The following MTX3 variants were observed in gnomAD, a reference collection of about 807,000 sequenced individuals.
MTX3 encodes the protein metaxin 3, also known as metaxin-3.
A neutral mutation model predicts 42.5 loss-of-function variants in MTX3; 27 were observed. The observed-to-expected ratio is 0.64, with a 90% CI of 0.47 to 0.88. The LOEUF is 0.88. MTX3 is among the 40% of genes least tolerant of loss of function. The pLI is 0.00. For missense variants in MTX3, 378 were observed against 367.0 expected (o/e 1.03, Z -0.25); for synonymous variants, 144 against 132.9 (o/e 1.08, Z -0.57).
At chr5:79,990,564 G>A (rs943183910) in intron 2 of MTX3, 30 bp downstream of exon 2, 1 of 1,398,130 alleles carries the variant, frequency 7.2e-7, no homozygotes, top group South Asian at 1.3e-5. Context: ...AAAGAGTGCA[G>A]AAAGGGGAGT....
intron 8 of MTX3, among the ~76,000 whole-genome samples, chr5:79,985,008 G>A (rs1051553506): frequency 6.6e-6 from 1 of 152,024 alleles, no homozygotes; most frequent in East Asian, 1.9e-4. Flanking sequence ...TTCTGATGGA[G>A]TCTCGCTCCG....
At chr5:79,987,210 G>C (rs1036885407) in intron 6 of MTX3, 103 bp from the exon 7 acceptor site, 7 of 982,576 alleles carry the variant, frequency 7.1e-6, no homozygotes, top group African/African-American at 3.2e-5. Context: ...GAGATCAAGC[G>C]GGGGCAGATC....
Position 79,983,652 on chromosome 5 carries a change from C to A in MTX3, c.*32G>T, listed in dbSNP as rs879830108. The A allele has an allele frequency of 2.0e-6, 3 of 1,464,950 alleles. No individual in the cohort carries two copies. Among genetic ancestry groups the A allele is most frequent in the Non-Finnish European group, 2.9e-6 (3 of 1,044,070 alleles). The allele number at this position is 1,464,950 out of a possible 1,614,324, so 90.7% of individuals were successfully genotyped here. Reference sequence around the variant, plus strand: ...TGGTGTAAGAGATTACTGCAACAATCGTTTGACTTTGGCCACAAACCATGA... The same window carrying A: ...TGGTGTAAGAGATTACTGCAACAATAGTTTGACTTTGGCCACAAACCATGA... On this transcript the variant is annotated 3_prime_UTR_variant, in exon 9 of 9. Transcript: ENST00000512528.
In MTX3 at chr5:79,983,728, G is replaced by A; in HGVS notation, c.895C>T (p.Pro299Ser). 1 of 1,613,926 alleles carries A rather than the reference G, an allele frequency of 6.2e-7. No homozygotes were observed. Among genetic ancestry groups the A allele is most frequent in the Middle Eastern group, 1.7e-4 (1 of 6,060 alleles). ...PRKLPTLKLT[P>S]AEEENNSFQR... ...AAGGAATTATTTTCTTCTTCTGCTG[G>A]AGTCAATTTAAGTGTTGGCAGTTTC... Residue 299 changes from proline to serine, a missense_variant, in exon 9 of 9, where the codon CCA becomes TCA. Physicochemically the swap from Pro to Ser is moderately conservative, Grantham distance 74. Coordinates refer to ENST00000512528, the MANE Select transcript of MTX3 (RefSeq NM_001363818.2).
chr5:79,990,254 T>C lies in MTX3; in HGVS notation c.152-18A>G. 1 of 1,559,806 alleles carries C rather than the reference T, an allele frequency of 6.4e-7. No individual in the cohort carries two copies. On this transcript the variant is annotated intron_variant, in intron 2 of 8. Transcript: ENST00000512528. ...TACATCGCCTATAATCAAAAAACAG[T>C]TTACATACAAGGACACAGTGTGATT...
In MTX3 at chr5:79,976,750, G is replaced by A. The variant is rs1308181031; in HGVS notation, c.*6934C>T. 1.3e-5 allele frequency: 2 copies of A among 152,540 alleles called. No homozygotes were observed. Among genetic ancestry groups the A allele is most frequent in the Non-Finnish European group, 2.9e-5 (2 of 68,028 alleles). 9.4% of individuals were successfully genotyped at this position (152,540 alleles called of 1,614,324 possible). On this transcript the variant is annotated 3_prime_UTR_variant, in exon 9 of 9. Transcript: ENST00000512528. The stretch of plus-strand genomic sequence containing the variant: ...AGTCAGGAGATTTGAGATTTTTATT[G>A]AGAAAATAGCTATTTTGACATTATA...
In MTX3 at chr5:79,990,662, G is replaced by A. The variant is rs1170544517; in HGVS notation, c.83C>T (p.Ala28Val). The change falls in exon 2 of 9, where the codon GCT becomes GTT. Residue 28 changes from alanine to valine, a missense_variant and splice_region_variant. Physicochemically the swap from Ala to Val is moderately conservative, Grantham distance 64. Transcript: ENST00000512528. The stretch of plus-strand genomic sequence containing the variant: ...GGGTGCACCAGAAAATTTGGCATAA[G>A]CCTGAAACAGAGTTTGCAATCAAAC... ...SVHSESLVVM[A>V]YAKFSGAPLK... is the part of the protein sequence containing the mutation. 10 of 1,612,140 alleles carry A rather than the reference G, an allele frequency of 6.2e-6. No individual in the cohort carries two copies. The highest frequency in any genetic ancestry group is 2.7e-5 in the African/African-American group (2 of 74,912).
chr5:79,985,727 G>C (rs916911475), intron 7 of MTX3, 68 bp from the exon 8 acceptor site: 2 of 1,186,690 alleles, frequency 1.7e-6, no homozygotes, highest in Non-Finnish European at 2.4e-6. Flanking sequence ...TATTTAGATT[G>C]AAAGAATTTT....
In MTX3 at chr5:79,983,434, T is replaced by C. The variant is rs2151140274; in HGVS notation, c.*250A>G. The C allele has an allele frequency of 3.8e-6, 2 of 520,952 alleles. No individual in the cohort carries two copies. The highest frequency in any genetic ancestry group is 2.1e-5 in the South Asian group (1 of 47,844). 32.3% of individuals were successfully genotyped at this position (520,952 alleles called of 1,614,324 possible). A position where few individuals can be genotyped will look rare whatever the true frequency, so the allele number is the denominator to read the frequency against. On this transcript the variant is annotated 3_prime_UTR_variant, in exon 9 of 9. Transcript: ENST00000512528. ...GATTAAGGCAGTTCTTTGTATACAG[T>C]ACGATGTGTTTTTCTTCCCCGCCCC...
chr5:79,983,538 T>C lies in MTX3; in HGVS notation c.*146A>G, dbSNP rs971832107. The C allele has an allele frequency of 4.7e-6, 3 of 642,022 alleles. No individual in the cohort carries two copies. Among genetic ancestry groups the C allele is most frequent in the Non-Finnish European group, 8.4e-6 (3 of 356,652 alleles). The allele number at this position is 642,022 out of a possible 1,614,324, so 39.8% of individuals were successfully genotyped here. On this transcript the variant is annotated 3_prime_UTR_variant, in exon 9 of 9. Coordinates refer to ENST00000512528, the MANE Select transcript of MTX3 (RefSeq NM_001363818.2). The stretch of plus-strand genomic sequence containing the variant: ...TAGAATACAAGCTTCCTAATAATAA[T>C]AGTAAAAATAGATGGCATAGAAAGT...
chr5:79,982,902 T>C lies in MTX3; in HGVS notation c.*782A>G, dbSNP rs1831405002. The C allele has an allele frequency of 6.5e-6, 1 of 154,390 alleles. No individual in the cohort carries two copies. The highest frequency in any genetic ancestry group is 2.0e-4 in the South Asian group (1 of 4,988). The allele number at this position is 154,390 out of a possible 1,614,324, so 9.6% of individuals were successfully genotyped here. A position where few individuals can be genotyped will look rare whatever the true frequency, so the allele number is the denominator to read the frequency against. Reference sequence around the variant, plus strand: ...AACGATAACCAGTACATTCACTTCTTCTGGAATTAATACAAGAAAGACAAC... The same window carrying C: ...AACGATAACCAGTACATTCACTTCTCCTGGAATTAATACAAGAAAGACAAC... On this transcript the variant is annotated 3_prime_UTR_variant, in exon 9 of 9. Coordinates refer to ENST00000512528, the MANE Select transcript of MTX3 (RefSeq NM_001363818.2).
At chr5:79,990,013 A>G (rs947025219) in intron 3 of MTX3, 147 bp downstream of exon 3, 9 of 486,942 alleles carry the variant, frequency 1.8e-5, no homozygotes, top group Admixed American at 1.2e-4. Flanking sequence ...GCTTTAGAGC[A>G]GTGATTCTCA....
intron 8 of MTX3, among the ~76,000 whole-genome samples, chr5:79,984,600 G>A (rs749766170): frequency 4.0e-5 from 6 of 150,698 alleles, no homozygotes; most frequent in Non-Finnish European, 8.8e-5. Flanking sequence ...TTGTAAAATA[G>A]TAAGTATTAC....
Position 79,983,583 on chromosome 5 carries a change from T to C in MTX3, c.*101A>G. The C allele has an allele frequency of 1.2e-6, 1 of 833,406 alleles. No individual in the cohort carries two copies. Among genetic ancestry groups the C allele is most frequent in the Non-Finnish European group, 2.1e-6 (1 of 483,576 alleles). 51.6% of individuals were successfully genotyped at this position (833,406 alleles called of 1,614,324 possible). A position where few individuals can be genotyped will look rare whatever the true frequency, so the allele number is the denominator to read the frequency against. On this transcript the variant is annotated 3_prime_UTR_variant, in exon 9 of 9. Transcript: ENST00000512528. ...GAAAGTTCCTTTTGGTTTAGAGTCTTCCTTAATACCTATTATGGTATCTTC... is the reference window on the plus strand; with the variant it reads ...GAAAGTTCCTTTTGGTTTAGAGTCTCCCTTAATACCTATTATGGTATCTTC...
rs567332528 is a variant in MTX3, at chr5:79,982,216, G to A, written c.*1468C>T. 1 of 294,122 alleles carries A rather than the reference G, an allele frequency of 3.4e-6. No individual in the cohort carries two copies. Among genetic ancestry groups the A allele is most frequent in the Admixed American group, 4.4e-5 (1 of 22,774 alleles). 18.2% of individuals were successfully genotyped at this position (294,122 alleles called of 1,614,324 possible). On this transcript the variant is annotated 3_prime_UTR_variant, in exon 9 of 9. Coordinates refer to ENST00000512528, the MANE Select transcript of MTX3 (RefSeq NM_001363818.2). The stretch of plus-strand genomic sequence containing the variant: ...CCAAACAGATGACCAAGATTTTGAA[G>A]ACTACCTTATTTCTCACTTAGTTAA...
At position 79,989,249 on chromosome 5, in the gene MTX3, T is replaced by A. The variant is rs1183242586; in HGVS notation, c.229-5A>T. 2 of 1,519,798 alleles carry A rather than the reference T, an allele frequency of 1.3e-6. No individual in the cohort carries two copies. Among genetic ancestry groups the A allele is most frequent in the African/African-American group, 2.8e-5 (2 of 71,228 alleles). The allele number at this position is 1,519,798 out of a possible 1,614,324, so 94.1% of individuals were successfully genotyped here. A position where few individuals can be genotyped will look rare whatever the true frequency, so the allele number is the denominator to read the frequency against. ...TTCATAATCAGCATTATATTTCTAT[T>A]AAAAAAAAATAAACCAAAGAAACTC... On this transcript the variant is annotated splice_polypyrimidine_tract_variant and splice_region_variant and intron_variant, in intron 3 of 8. Coordinates refer to ENST00000512528, the MANE Select transcript of MTX3 (RefSeq NM_001363818.2).
intron 3 of MTX3, 81 bp from the exon 4 acceptor site, chr5:79,989,325 A>C (rs192629153): frequency 3.5e-6 from 3 of 865,740 alleles, no homozygotes; most frequent in Non-Finnish European, 5.3e-6. Flanking sequence ...ATCAGGATTC[A>C]TATTTTTCCT....
In MTX3 at chr5:79,991,177, C is replaced by A; in HGVS notation, c.62G>T (p.Ser21Ile). The change falls in exon 1 of 9, where the codon AGC (serine) becomes ATC (isoleucine). Residue 21 changes from serine (S) to isoleucine (I), a missense_variant. Physicochemically the swap from Ser to Ile is moderately radical, Grantham distance 142. Coordinates refer to ENST00000512528, the MANE Select transcript of MTX3 (RefSeq NM_001363818.2). Reference sequence around the variant, plus strand: ...CCTCACCATCACCACCAGGGACTCGCTGTGAACCGATGGGAGTCCCCAGCC... The same window carrying A: ...CCTCACCATCACCACCAGGGACTCGATGTGAACCGATGGGAGTCCCCAGCC... Reference protein sequence around the residue: ...GGGWGLPSVHSESLVVMAYAK... With the variant: ...GGGWGLPSVHIESLVVMAYAK... 1 of 1,518,744 alleles carries A rather than the reference C, an allele frequency of 6.6e-7. No individual in the cohort carries two copies. Among genetic ancestry groups the A allele is most frequent in the East Asian group, 2.5e-5 (1 of 40,290 alleles). The allele number at this position is 1,518,744 out of a possible 1,614,324, so 94.1% of individuals were successfully genotyped here.
rs182140761 is a variant in MTX3 at position 79,990,133 on chromosome 5, T to C, written c.228+27A>G. ...CATGCAGGGATCAACAATCTACCAA[T>C]CTACTTCTTCAAAGTGAACCACCCA... On this transcript the variant is annotated intron_variant, in intron 3 of 8. Coordinates refer to ENST00000512528, the MANE Select transcript of MTX3 (RefSeq NM_001363818.2). 151 of 1,487,620 alleles carry C rather than the reference T, an allele frequency of 1.0e-4. No individual in the cohort carries two copies. In the East Asian group the frequency reaches 3.3e-3, roughly 33 times the overall value. The allele number at this position is 1,487,620 out of a possible 1,614,324, so 92.2% of individuals were successfully genotyped here. A position where few individuals can be genotyped will look rare whatever the true frequency, so the allele number is the denominator to read the frequency against.
Sources: allele counts gnomAD v4.1 joint callset (sites outside exome capture counted in the v4.1 genomes callset), GRCh38; gene constraint gnomAD v4.1.1; transcripts MANE v1.5; gene names NCBI Gene and HGNC (gene_info 2026-07-23, HGNC 2026-07-21).